CNTLN: variants seen among roughly 807,000 people sequenced by gnomAD.
CNTLN encodes the protein centlein, centrosomal protein.
Under a neutral mutation model 180.0 loss-of-function variants are expected in CNTLN, and 212 were observed. The ratio of observed to expected loss-of-function variants is 1.18; its 90% CI spans 1.05 to 1.32. The LOEUF is 1.32. CNTLN is among the 40% of genes most tolerant of loss of function. The pLI is 0.00. For missense variants in CNTLN, 2,095 were observed against 1,610.9 expected (o/e 1.30, Z -5.14); for synonymous variants, 722 against 563.1 (o/e 1.28, Z -3.99).
At chr9:17,169,791 G>T (rs1044415837) in intron 2 of CNTLN, among the ~76,000 whole-genome samples, 1 of 151,940 alleles carries the variant, frequency 6.6e-6, no homozygotes, top group South Asian at 2.1e-4. Flanking sequence ...GTGCTGTTTT[G>T]ATTACTATAG....
chr9:17,245,157 T>A (rs1229612608), intron 5 of CNTLN, among the ~76,000 whole-genome samples: 5 of 152,176 alleles, frequency 3.3e-5, no homozygotes, highest in Non-Finnish European at 5.9e-5. Flanking sequence ...TTTGTATGAC[T>A]TCTTATTGCT....
chr9:17,197,887 T>C (rs866564451), intron 2 of CNTLN, among the ~76,000 whole-genome samples: 3 of 152,212 alleles, frequency 2.0e-5, no homozygotes, highest in Admixed American at 6.5e-5. Context: ...TTTAAGTGTT[T>C]AATCCATTGT....
At chr9:17,359,495 C>T (rs1276152671) in intron 12 of CNTLN, among the ~76,000 whole-genome samples, 1 of 151,548 alleles carries the variant, frequency 6.6e-6, no homozygotes, top group African/African-American at 2.4e-5. Flanking sequence ...TAGTAGTACT[C>T]AGAATATATG....
At chr9:17,389,716 T>C (rs963952433) in intron 14 of CNTLN, among the ~76,000 whole-genome samples, 3 of 113,230 alleles carry the variant, frequency 2.6e-5, no homozygotes, top group Non-Finnish European at 3.8e-5. Context: ...AAAACAATAT[T>C]TGTATATAGT....
chr9:17,519,198 G>A, the CNTLN span, among the ~76,000 whole-genome samples: 1 of 150,524 alleles, frequency 6.6e-6, no homozygotes, highest in Non-Finnish European at 1.5e-5. Context: ...AAAGTGCTGG[G>A]ATTACCAGCG....
chr9:17,316,146 G>A (rs1057249413), intron 8 of CNTLN, among the ~76,000 whole-genome samples: 1 of 151,548 alleles, frequency 6.6e-6, no homozygotes, highest in Non-Finnish European at 1.5e-5. Flanking sequence ...TTTTATAATT[G>A]TTATCTCTTT....
At chr9:17,453,787 C>G (rs1470217597) in intron 18 of CNTLN, among the ~76,000 whole-genome samples, 1 of 152,200 alleles carries the variant, frequency 6.6e-6, no homozygotes, top group African/African-American at 2.4e-5. Context: ...TGAGGCCTCC[C>G]TTAGGTCTTG....
chr9:17,202,521 A>G (rs184788577), intron 2 of CNTLN, among the ~76,000 whole-genome samples: 106 of 152,140 alleles, frequency 7.0e-4, no homozygotes, highest in Admixed American at 1.2e-3. Flanking sequence ...TTGGGAGCAT[A>G]TATATTTAAG....
intron 2 of CNTLN, among the ~76,000 whole-genome samples, chr9:17,145,690 GAATT>G (rs1818407776): frequency 6.6e-6 from 1 of 152,092 alleles, no homozygotes; most frequent in Admixed American, 6.5e-5. Context: ...GGATTTGGAC[GAATT>G]AATTTCTAAA....
intron 5 of CNTLN, among the ~76,000 whole-genome samples, chr9:17,258,402 C>T (rs1406618282): frequency 6.6e-6 from 1 of 151,136 alleles, no homozygotes; most frequent in Admixed American, 6.6e-5. Flanking sequence ...AGTTTGAAGT[C>T]AGGTATCATG....
At chr9:17,424,445 C>T (rs1828944535) in intron 18 of CNTLN, among the ~76,000 whole-genome samples, 1 of 152,082 alleles carries the variant, frequency 6.6e-6, no homozygotes, top group South Asian at 2.1e-4. Flanking sequence ...ATACCTCTTT[C>T]TAGTAACATA....
intron 2 of CNTLN, among the ~76,000 whole-genome samples, chr9:17,171,264 G>A (rs1820403573): frequency 6.6e-6 from 1 of 152,220 alleles, no homozygotes; most frequent in Non-Finnish European, 1.5e-5. Flanking sequence ...ATTGATATCT[G>A]TGCATTTATT....
intron 6 of CNTLN, among the ~76,000 whole-genome samples, chr9:17,292,529 C>G (rs923238412): frequency 1.3e-5 from 2 of 151,926 alleles, no homozygotes; most frequent in Non-Finnish European, 2.9e-5. Context: ...TCTTGTCTGC[C>G]TTGTCTTATT....
intron 7 of CNTLN, chr9:17,299,868 C>T (rs534981941): frequency 1.1e-6 from 1 of 878,848 alleles, no homozygotes; most frequent in Non-Finnish European, 1.4e-6. Context: ...CTCTTGGCTT[C>T]CATTGTACTA....
rs200866850 is a variant in CNTLN, at chr9:17,366,655, A to G, written c.1925A>G (p.His642Arg). Residue 642 changes from histidine (H) to arginine (R), a missense_variant, in exon 13 of 26, where the codon CAT (histidine) becomes CGT (arginine). His to Arg is a conservative substitution (Grantham distance 29). Coordinates refer to ENST00000380647, the MANE Select transcript of CNTLN (RefSeq NM_017738.4). ...GAAGAATTAGATGAACTTAAAGTAC[A>G]TATATCTATTGATAAGGCAGCAATA... The part of the protein sequence containing the change: ...LEEELDELKV[H>R]ISIDKAAIQE... 46 of 1,584,706 alleles carry G rather than the reference A, an allele frequency of 2.9e-5. No homozygotes were observed. In the African/African-American group the frequency reaches 5.3e-4, roughly 18 times the overall value.
chr9:17,169,249 C>T (rs1468812361), intron 2 of CNTLN, among the ~76,000 whole-genome samples: 2 of 152,150 alleles, frequency 1.3e-5, no homozygotes, highest in Admixed American at 1.3e-4. Flanking sequence ...CCTCTTGCCT[C>T]AGCCTTAGAA....
chr9:17,165,065 C>T (rs549572582), intron 2 of CNTLN, among the ~76,000 whole-genome samples: 2 of 151,156 alleles, frequency 1.3e-5, no homozygotes. Context: ...GTCTTGAACT[C>T]CTGACCTCGT....
intron 24 of CNTLN, 48 bp downstream of exon 24, chr9:17,484,528 A>T (rs374401077): frequency 7.2e-7 from 1 of 1,394,124 alleles, no homozygotes; most frequent in African/African-American, 1.5e-5. Context: ...TATACACTGG[A>T]CTTAAGTAGA....
chr9:17,421,777 C>T (rs999437070), intron 18 of CNTLN, among the ~76,000 whole-genome samples: 7 of 152,026 alleles, frequency 4.6e-5, no homozygotes, highest in Non-Finnish European at 1.0e-4. Context: ...GCAAATAATG[C>T]TTTGTAACCA....
Sources: allele counts gnomAD v4.1 joint callset (sites outside exome capture counted in the v4.1 genomes callset), GRCh38; gene constraint gnomAD v4.1.1; transcripts MANE v1.5; gene names NCBI Gene and HGNC (gene_info 2026-07-23, HGNC 2026-07-21).